SPATA9: variants seen among roughly 807,000 people sequenced by gnomAD.
SPATA9 encodes spermatogenesis associated 9.
In SPATA9, 27 loss-of-function variants were observed where a neutral mutation model predicts 25.5. That is an observed-to-expected ratio of 1.06 (90% CI 0.78 to 1.46). SPATA9 has a LOEUF of 1.46. Among genes scored for constraint, SPATA9 ranks in the 40% most tolerant of loss-of-function variants. The probability of loss-of-function intolerance (pLI) is 0.00; values close to 1 mark genes in which losing one functional copy is unlikely to be tolerated. For missense variants in SPATA9, 282 were observed against 297.5 expected (o/e 0.95, Z 0.38); for synonymous variants, 102 against 105.7 (o/e 0.97, Z 0.21).
upstream of SPATA9, among the ~76,000 whole-genome samples, chr5:95,700,040 A>G (rs180989045): frequency 6.6e-6 from 1 of 152,338 alleles, no homozygotes; most frequent in Admixed American, 6.5e-5. Context: ...TTAGTTTTCT[A>G]TGAAGAGCGT....
the SPATA9 span, among the ~76,000 whole-genome samples, chr5:95,706,615 G>A: frequency 5.3e-5 from 8 of 151,956 alleles, no homozygotes; most frequent in Non-Finnish European, 7.4e-5. Flanking sequence ...GATAATCTAA[G>A]GTAGATCTCC....
intron 2 of SPATA9, among the ~76,000 whole-genome samples, chr5:95,676,610 T>A (rs1046153123): frequency 1.7e-4 from 26 of 152,318 alleles, no homozygotes; most frequent in Admixed American, 1.3e-3. Flanking sequence ...CTCTACCTTG[T>A]CCCAGAATTT....
intron 4 of SPATA9, among the ~76,000 whole-genome samples, chr5:95,660,853 T>C (rs1414470647): frequency 6.6e-6 from 1 of 152,210 alleles, no homozygotes; most frequent in Non-Finnish European, 1.5e-5. Context: ...CTCTTTACTC[T>C]TGACTGGATC....
chr5:95,694,802 C>T (rs1753974237), intron 1 of SPATA9, among the ~76,000 whole-genome samples: 1 of 152,256 alleles, frequency 6.6e-6, no homozygotes, highest in African/African-American at 2.4e-5. Flanking sequence ...AAGAAACAGA[C>T]ACAAGAACAG....
At chr5:95,654,288 T>A (rs2112515637), downstream of SPATA9, 1 of 1,609,312 alleles carries the variant, frequency 6.2e-7, no homozygotes, top group Admixed American at 1.7e-5. Context: ...ACTATCAAAA[T>A]TTCAGTTTTT....
intron 4 of SPATA9, among the ~76,000 whole-genome samples, chr5:95,661,364 T>A (rs979331290): frequency 6.6e-6 from 1 of 152,152 alleles, no homozygotes. Flanking sequence ...ATCTAACATA[T>A]ATATTGCTTT....
At chr5:95,682,200 A>G (rs918103318) in intron 2 of SPATA9, among the ~76,000 whole-genome samples, 1 of 152,180 alleles carries the variant, frequency 6.6e-6, no homozygotes, top group Non-Finnish European at 1.5e-5. Flanking sequence ...CTGATTTGAC[A>G]TAGATTTTTG....
At chr5:95,727,129 A>C in the SPATA9 span, among the ~76,000 whole-genome samples, 1 of 152,206 alleles carries the variant, frequency 6.6e-6, no homozygotes, top group Admixed American at 6.5e-5. Flanking sequence ...ATGAAAATGA[A>C]TATGAAACTT....
rs1580356464 is a variant in SPATA9 at position 95,692,555 on chromosome 5, G to T, written n.124+6033C>A. ...TTTTTCTTTAATCTATGCTCAGGAA[G>T]AATTTAAGGTTAAGTACAAAGTTTC... On this transcript the variant is annotated intron_variant and non_coding_transcript_variant, in intron 1 of 2. Coordinates refer to the SPATA9 transcript ENST00000379990. Among the ~76,000 whole-genome samples the T allele has an allele frequency of 2.6e-5, 4 of 152,010 alleles. No individual in the cohort carries two copies. The Middle Eastern group carries it at 0.01, about 390-fold the overall frequency.
At chr5:95,652,829 CT>C (rs35160842), downstream of SPATA9, 2 of 373,984 alleles carry the variant, frequency 5.3e-6, no homozygotes, top group South Asian at 5.4e-5. Flanking sequence ...AAGCCACCAC[CT>C]TTTTCATGGA....
chr5:95,696,940 T>C (rs1400360641), intron 1 of SPATA9, among the ~76,000 whole-genome samples: 1 of 152,242 alleles, frequency 6.6e-6, no homozygotes, highest in Non-Finnish European at 1.5e-5. Context: ...TTTTATGTTC[T>C]GTTACATTAA....
At chr5:95,668,982 G>T (rs1207101739) in intron 3 of SPATA9, among the ~76,000 whole-genome samples, 1 of 152,170 alleles carries the variant, frequency 6.6e-6, no homozygotes, top group Non-Finnish European at 1.5e-5. Flanking sequence ...AATGTTGCAG[G>T]AAACACTGAC....
intron 1 of SPATA9, among the ~76,000 whole-genome samples, chr5:95,692,990 G>A (rs1753927592): frequency 1.3e-5 from 2 of 152,130 alleles, no homozygotes; most frequent in Admixed American, 1.3e-4. Flanking sequence ...ATTTTTGCCT[G>A]TTAAATATAT....
At chr5:95,689,476 AT>A (rs971267359) in intron 1 of SPATA9, among the ~76,000 whole-genome samples, 92 of 152,338 alleles carry the variant, frequency 6.0e-4, no homozygotes, top group African/African-American at 2.0e-3. Context: ...TGTATATCAA[AT>A]TGGTTATATA....
chr5:95,672,353 A>C (rs973738052), intron 3 of SPATA9, among the ~76,000 whole-genome samples: 3 of 152,134 alleles, frequency 2.0e-5, no homozygotes, highest in African/African-American at 7.2e-5. Context: ...AGGAAATCCT[A>C]AGCTGAAAAA....
chr5:95,671,962 G>C (rs1246801610), intron 3 of SPATA9, among the ~76,000 whole-genome samples: 1 of 150,956 alleles, frequency 6.6e-6, no homozygotes, highest in Non-Finnish European at 1.5e-5. Context: ...AAGTTCAAAA[G>C]ATGTAATACA....
chr5:95,675,668 G>T, intron 2 of SPATA9, 29 bp from the exon 3 acceptor site: 2 of 1,591,464 alleles, frequency 1.3e-6, no homozygotes, highest in South Asian at 1.1e-5. Context: ...AAAAGTAACT[G>T]ATGTGTAATC....
the SPATA9 span, among the ~76,000 whole-genome samples, chr5:95,710,245 C>G: frequency 0.12 from 18,941 of 152,100 alleles, 1,491 homozygotes; most frequent in Non-Finnish European, 0.16. Context: ...TTGGGTGGGC[C>G]AGTTTCGGTA....
the SPATA9 span, chr5:95,731,146 C>G: frequency 3.9e-6 from 4 of 1,014,474 alleles, no homozygotes; most frequent in South Asian, 3.5e-5. Context: ...CGCGGCGCCC[C>G]GCGCGGGCGG....
Sources: allele counts gnomAD v4.1 joint callset (sites outside exome capture counted in the v4.1 genomes callset), GRCh38; gene constraint gnomAD v4.1.1; transcripts MANE v1.5; gene names NCBI Gene and HGNC (gene_info 2026-07-23, HGNC 2026-07-21).